The following PPP2R2C variants were observed in gnomAD, a reference collection of about 807,000 sequenced individuals.
The protein encoded by PPP2R2C is protein phosphatase 2 regulatory subunit Bgamma.
PPP2R2C carries 10 observed loss-of-function variants against 45.3 expected under a neutral mutation model. The observed-to-expected ratio is 0.22, with a 90% CI of 0.14 to 0.37. The LOEUF (loss-of-function observed/expected upper bound fraction) is 0.37. PPP2R2C is among the 10% of genes least tolerant of loss of function. PPP2R2C has a pLI of 1.00. For synonymous variants in PPP2R2C, 257 were observed against 245.4 expected, an observed-to-expected ratio of 1.05 and a Z score of -0.44; for missense variants, 308 against 619.7, an observed-to-expected ratio of 0.50 and a Z score of 5.34.
intron 1 of PPP2R2C, among the ~76,000 whole-genome samples, chr4:6,394,681 C>T (rs557900461): frequency 1.9e-4 from 29 of 152,240 alleles, no homozygotes; most frequent in Non-Finnish European, 3.4e-4. Flanking sequence ...GCGGACCTAT[C>T]ACTTGAGTCT....
intron 1 of PPP2R2C, among the ~76,000 whole-genome samples, chr4:6,408,661 T>C (rs1717959531): frequency 6.6e-6 from 1 of 152,198 alleles, no homozygotes; most frequent in African/African-American, 2.4e-5. Flanking sequence ...TGGCCCTGGC[T>C]GCCTGCAAGC....
At chr4:6,375,060 G>A (rs1011858699) in intron 4 of PPP2R2C, among the ~76,000 whole-genome samples, 2 of 152,072 alleles carry the variant, frequency 1.3e-5, no homozygotes, top group South Asian at 2.1e-4. Flanking sequence ...AAACACCAGG[G>A]TGATCAAGAT....
chr4:6,510,068 C>T (rs1314801967), intron 2 of PPP2R2C, among the ~76,000 whole-genome samples: 3 of 152,212 alleles, frequency 2.0e-5, no homozygotes, highest in Admixed American at 1.3e-4. Context: ...AGACTGGTCT[C>T]CCCATCTCCA....
intron 2 of PPP2R2C, among the ~76,000 whole-genome samples, chr4:6,480,824 A>C (rs1722322855): frequency 6.6e-6 from 1 of 152,244 alleles, no homozygotes; most frequent in South Asian, 2.1e-4. Flanking sequence ...CTCAAGTGAC[A>C]CTTGGAATAG....
intron 1 of PPP2R2C, among the ~76,000 whole-genome samples, chr4:6,425,942 G>A (rs17722523): frequency 0.051 from 7,702 of 152,132 alleles, 270 homozygotes; most frequent in Non-Finnish European, 0.076. Context: ...GTTGCGGGGA[G>A]AGGCACTCTA....
At chr4:6,342,079 GATAC>G (rs1384021357) in intron 6 of PPP2R2C, among the ~76,000 whole-genome samples, 3 of 86,430 alleles carry the variant, frequency 3.5e-5, no homozygotes, top group Non-Finnish European at 4.6e-5. Context: ...GATCTGCCAC[GATAC>G]ACACACACAC....
intron 5 of PPP2R2C, chr4:6,349,765 C>T (rs4247203): frequency 0.7 from 495,136 of 704,800 alleles, 175,159 homozygotes; most frequent in South Asian, 0.73. Context: ...GTGGCGTATG[C>T]CTGTAGTCCC....
chr4:6,426,396 C>A (rs1048753579), intron 1 of PPP2R2C, among the ~76,000 whole-genome samples: 1 of 152,206 alleles, frequency 6.6e-6, no homozygotes, highest in South Asian at 2.1e-4. Flanking sequence ...TGTGTGCTGG[C>A]TCCAGGGTGG....
At chr4:6,427,553 C>T (rs1255858718) in intron 1 of PPP2R2C, among the ~76,000 whole-genome samples, 1 of 152,212 alleles carries the variant, frequency 6.6e-6, no homozygotes, top group Non-Finnish European at 1.5e-5. Context: ...GGAATGAGCC[C>T]TACCCCATCT....
chr4:6,521,422 C>T (rs1724023124), intron 2 of PPP2R2C, among the ~76,000 whole-genome samples: 1 of 152,206 alleles, frequency 6.6e-6, no homozygotes, highest in Admixed American at 6.5e-5. Context: ...GCGGGGACTT[C>T]AATGTATCAT....
chr4:6,343,140 A>G (rs1733579821), intron 6 of PPP2R2C, among the ~76,000 whole-genome samples: 1 of 152,198 alleles, frequency 6.6e-6, no homozygotes, highest in Non-Finnish European at 1.5e-5. Flanking sequence ...AACAGCCGCC[A>G]CCTGCTAATT....
intron 1 of PPP2R2C, among the ~76,000 whole-genome samples, chr4:6,391,795 C>A (rs1033145486): frequency 5.9e-5 from 9 of 152,210 alleles, no homozygotes; most frequent in African/African-American, 2.2e-4. Context: ...CATGGCTATG[C>A]CCTTTGCATG....
Position 6,490,778 on chromosome 4 carries a change from G to A in PPP2R2C, c.49+44493C>T, listed in dbSNP as rs1001390548. Among the ~76,000 whole-genome samples the A allele has an allele frequency of 5.3e-5, 8 of 152,310 alleles. No individual in the cohort carries two copies. The East Asian group carries it at 1.4e-3, about 26-fold the overall frequency. On this transcript the variant is annotated intron_variant, in intron 2 of 9. Coordinates refer to the PPP2R2C transcript ENST00000506140. ...GGAACATCAGCCATGGCGAGAAGCC[G>A]AGGTTGCAGCCCCGCTCCCATGCCG...
intron 1 of PPP2R2C, among the ~76,000 whole-genome samples, chr4:6,542,496 C>T (rs1019168895): frequency 3.9e-5 from 6 of 152,094 alleles, no homozygotes; most frequent in African/African-American, 1.4e-4. Flanking sequence ...GAGTTCAAGA[C>T]CAGCCTGGCC....
intron 2 of PPP2R2C, among the ~76,000 whole-genome samples, chr4:6,489,582 T>C (rs1019280822): frequency 6.6e-6 from 1 of 152,216 alleles, no homozygotes; most frequent in Non-Finnish European, 1.5e-5. Context: ...TCTTTGAAAA[T>C]ACTTCTTCAA....
At chr4:6,376,548 G>C (rs1285216880) in intron 3 of PPP2R2C, among the ~76,000 whole-genome samples, 1 of 152,002 alleles carries the variant, frequency 6.6e-6, no homozygotes, top group African/African-American at 2.4e-5. Context: ...GACTTTACCG[G>C]TCTCAGATGA....
At chr4:6,365,780 C>T (rs1406011285) in intron 5 of PPP2R2C, among the ~76,000 whole-genome samples, 2 of 152,238 alleles carry the variant, frequency 1.3e-5, no homozygotes, top group African/African-American at 2.4e-5. Context: ...ATTAGAAATT[C>T]TCCAGGCCGA....
chr4:6,401,528 G>C (rs1262585642), intron 1 of PPP2R2C, among the ~76,000 whole-genome samples: 1 of 151,980 alleles, frequency 6.6e-6, no homozygotes, highest in Non-Finnish European at 1.5e-5. Context: ...CCAAGGGCAA[G>C]GGCAAGACCA....
At chr4:6,405,224 G>A (rs922817566) in intron 1 of PPP2R2C, among the ~76,000 whole-genome samples, 8 of 152,124 alleles carry the variant, frequency 5.3e-5, no homozygotes, top group Non-Finnish European at 1.0e-4. Context: ...CCAAGCGAGC[G>A]GGTTCCCCAG....
Sources: allele counts gnomAD v4.1 joint callset (sites outside exome capture counted in the v4.1 genomes callset), GRCh38; gene constraint gnomAD v4.1.1; transcripts MANE v1.5; gene names NCBI Gene and HGNC (gene_info 2026-07-23, HGNC 2026-07-21).